The following TM9SF3 variants were observed in gnomAD, a reference collection of about 807,000 sequenced individuals.
TM9SF3 encodes transmembrane 9 superfamily member 3.
A neutral mutation model predicts 78.6 loss-of-function variants in TM9SF3; 14 were observed. The observed-to-expected ratio is 0.18, with a 90% CI of 0.12 to 0.28. The LOEUF is 0.28. Ranked by LOEUF, TM9SF3 falls within the 10% of genes least tolerant of loss-of-function variation. TM9SF3 has a pLI of 1.00. For missense variants in TM9SF3, 496 were observed against 721.9 expected (o/e 0.69, Z 3.59); for synonymous variants, 231 against 241.7 (o/e 0.96, Z 0.41).
At chr10:96,585,007 A>C (rs1238580013) in intron 1 of TM9SF3, among the ~76,000 whole-genome samples, 1 of 152,320 alleles carries the variant, frequency 6.6e-6, no homozygotes, top group South Asian at 2.1e-4. Context: ...AAAAACTGAA[A>C]TAGTCCTAGC....
intron 1 of TM9SF3, among the ~76,000 whole-genome samples, chr10:96,579,448 TA>T (rs1848535495): frequency 6.6e-6 from 1 of 152,116 alleles, no homozygotes; most frequent in Non-Finnish European, 1.5e-5. Context: ...TAAATACCTT[TA>T]AAAATAGGGC....
intron 6 of TM9SF3, among the ~76,000 whole-genome samples, chr10:96,551,633 G>C (rs181949896): frequency 1.3e-5 from 2 of 152,294 alleles, no homozygotes; most frequent in East Asian, 1.9e-4. Flanking sequence ...TGTGCTCAGA[G>C]AATCTCAAAT....
At chr10:96,551,864 TA>T (rs1392003849) in intron 6 of TM9SF3, among the ~76,000 whole-genome samples, 1 of 152,138 alleles carries the variant, frequency 6.6e-6, no homozygotes, top group Admixed American at 6.5e-5. Flanking sequence ...GCCTAGAATC[TA>T]AGAAAACATA....
At chr10:96,586,517 A>ACCCTGTCACTCGGGAGCGGAG (rs1848632039) in intron 1 of TM9SF3, among the ~76,000 whole-genome samples, 1 of 150,978 alleles carries the variant, frequency 6.6e-6, no homozygotes, top group South Asian at 2.1e-4. Context: ...GGGGAAGGAG[A>ACCCTGTCACTCGGGAGCGGAG]CCCTGTCACT....
chr10:96,557,173 C>T (rs1848243497), intron 5 of TM9SF3, among the ~76,000 whole-genome samples: 1 of 152,108 alleles, frequency 6.6e-6, no homozygotes, highest in Non-Finnish European at 1.5e-5. Context: ...TATCTCTAGC[C>T]CAGACCTCTC....
chr10:96,561,831 T>C (rs1353183205), intron 4 of TM9SF3, 147 bp downstream of exon 4: 3 of 685,648 alleles, frequency 4.4e-6, no homozygotes, highest in African/African-American at 3.7e-5. Flanking sequence ...GGAGGCTTAC[T>C]TACGTACACT....
intron 3 of TM9SF3, among the ~76,000 whole-genome samples, chr10:96,564,206 C>T (rs1019230107): frequency 6.6e-6 from 1 of 151,530 alleles, no homozygotes; most frequent in African/African-American, 2.4e-5. Flanking sequence ...GGAGAAGGAT[C>T]ACTTAAGCCC....
chr10:96,547,817 C>T, intron 8 of TM9SF3, 78 bp downstream of exon 8: 2 of 1,287,508 alleles, frequency 1.6e-6, no homozygotes, highest in Non-Finnish European at 2.2e-6. Context: ...GAGACTCTCT[C>T]AAAACAAACA....
At position 96,522,212 on chromosome 10, in the gene TM9SF3, C is replaced by T. The variant is rs772322083; in HGVS notation, c.*51G>A. 11 of 1,496,942 alleles carry T rather than the reference C, an allele frequency of 7.3e-6. No individual in the cohort carries two copies. Among genetic ancestry groups the T allele is most frequent in the Middle Eastern group, 1.7e-4 (1 of 5,802 alleles). 92.7% of individuals were successfully genotyped at this position (1,496,942 alleles called of 1,614,324 possible). ...TTTGTTTGTTTTTGCTGTGCAAGTT[C>T]CACCCCTATGAAAAAGAAATTGATC... On this transcript the variant is annotated 3_prime_UTR_variant, in exon 15 of 15. Transcript: ENST00000371142.
intron 2 of TM9SF3, among the ~76,000 whole-genome samples, chr10:96,567,296 G>A (rs1165083077): frequency 6.6e-6 from 1 of 152,018 alleles, no homozygotes; most frequent in Non-Finnish European, 1.5e-5. Context: ...ATGTTAGCAG[G>A]CTGGTCTTGA....
At chr10:96,539,548 T>C (rs1312491205) in intron 9 of TM9SF3, among the ~76,000 whole-genome samples, 3 of 152,130 alleles carry the variant, frequency 2.0e-5, no homozygotes, top group Non-Finnish European at 4.4e-5. Flanking sequence ...AAAGAAAGGA[T>C]GAATTATAAA....
At chr10:96,543,344 C>CG in intron 9 of TM9SF3, among the ~76,000 whole-genome samples, 1 of 136,918 alleles carries the variant, frequency 7.3e-6, no homozygotes, top group Admixed American at 7.5e-5. Context: ...TAGTGAGATT[C>CG]TTTTTTTTGA....
intron 9 of TM9SF3, among the ~76,000 whole-genome samples, chr10:96,533,546 G>T (rs1847921123): frequency 6.6e-6 from 1 of 151,570 alleles, no homozygotes; most frequent in South Asian, 2.1e-4. Flanking sequence ...TACTTATCTG[G>T]CTATGCTTTT....
chr10:96,567,577 T>G (rs117318972), intron 2 of TM9SF3, among the ~76,000 whole-genome samples: 376 of 151,984 alleles, frequency 2.5e-3, no homozygotes, highest in Non-Finnish European at 3.4e-3. Flanking sequence ...ATCCTCACCA[T>G]CCCCCAGCCC....
Position 96,520,811 on chromosome 10 carries a change from T to C in TM9SF3, c.*1452A>G, listed in dbSNP as rs1564925499. ...CATTCAAAGGGTTTGTCATTCACTT[T>C]ATGATTGTGCTGGATAATCTAGATG... On this transcript the variant is annotated 3_prime_UTR_variant, in exon 15 of 15. Coordinates refer to ENST00000371142, the MANE Select transcript of TM9SF3 (RefSeq NM_020123.4). The C allele has an allele frequency of 1.0e-5, 4 of 396,054 alleles. No homozygotes were observed. In the South Asian group the frequency reaches 5.1e-4, roughly 50 times the overall value. 24.5% of individuals were successfully genotyped at this position (396,054 alleles called of 1,614,324 possible).
chr10:96,554,746 C>G (rs1230845695), intron 5 of TM9SF3, among the ~76,000 whole-genome samples: 1 of 152,130 alleles, frequency 6.6e-6, no homozygotes, highest in Non-Finnish European at 1.5e-5. Context: ...ATAATTTCCA[C>G]TTGAATGTTT....
intron 14 of TM9SF3, among the ~76,000 whole-genome samples, chr10:96,525,978 GAGC>G (rs1447851287): frequency 4.6e-5 from 7 of 152,160 alleles, no homozygotes; most frequent in African/African-American, 1.7e-4. Flanking sequence ...CACAATTCCA[GAGC>G]AGAAGGAAGC....
rs1847747983 is a variant in TM9SF3, at chr10:96,520,277, T to C, written c.*1986A>G. 6.6e-6 allele frequency: 1 copy of C among 151,814 alleles called. No individual in the cohort carries two copies. The highest frequency in any genetic ancestry group is 1.5e-5 in the Non-Finnish European group (1 of 67,778). The allele number at this position is 151,814 out of a possible 1,614,324, so 9.4% of individuals were successfully genotyped here. ...AAGGCAAGTAAGAAGGAAGAGAAAA[T>C]GGAAGTACCAATAAATTATATTTAA... On this transcript the variant is annotated 3_prime_UTR_variant, in exon 15 of 15. Transcript: ENST00000371142.
At chr10:96,522,537 C>A (rs545470456) in intron 14 of TM9SF3, among the ~76,000 whole-genome samples, 1 of 151,850 alleles carries the variant, frequency 6.6e-6, no homozygotes, top group African/African-American at 2.4e-5. Context: ...GACCATCATA[C>A]GCCAAGTCTA....
Sources: gnomAD v4.1 joint callset for allele counts (sites outside exome capture counted in the v4.1 genomes callset) on GRCh38, gnomAD v4.1.1 for gene constraint, MANE v1.5 for transcripts, NCBI Gene and HGNC (gene_info 2026-07-23, HGNC 2026-07-21) for gene names.